The following GALP variants were observed in gnomAD, a reference collection of about 807,000 sequenced individuals.
GALP encodes galanin like peptide.
GALP carries 12 observed loss-of-function variants against 15.2 expected under a neutral mutation model. The observed-to-expected ratio is 0.79, with a 90% CI of 0.51 to 1.28. The LOEUF (loss-of-function observed/expected upper bound fraction) is 1.28, where lower values mean the gene tolerates loss of function less well. Ranked by LOEUF, GALP falls within the 50% of genes most tolerant of loss-of-function variation. The probability of loss-of-function intolerance (pLI) is 0.00; values close to 1 mark genes in which losing one functional copy is unlikely to be tolerated. For synonymous variants in GALP, 58 were observed against 55.1 expected (o/e 1.05, Z -0.23); for missense variants, 161 against 145.6 (o/e 1.11, Z -0.55).
intron 2 of GALP, among the ~76,000 whole-genome samples, chr19:56,177,526 A>AAAG (rs1555785862): frequency 0.085 from 12,396 of 146,370 alleles, 795 homozygotes; most frequent in Non-Finnish European, 0.12. Flanking sequence ...AAAAAAAAAA[A>AAAG]AAGAAGAAAT....
At chr19:56,182,332 T>A in intron 4 of GALP, 80 bp downstream of exon 4, 1 of 1,020,544 alleles carries the variant, frequency 9.8e-7, no homozygotes, top group Non-Finnish European at 1.5e-6. Context: ...CTGGTAGATG[T>A]GAGCTCCAGC....
intron 3 of GALP, among the ~76,000 whole-genome samples, chr19:56,180,921 T>TC: frequency 1.1e-4 from 12 of 105,540 alleles, no homozygotes; most frequent in African/African-American, 4.0e-4. Flanking sequence ...CTTTCTTTTT[T>TC]TTTTTTTTTT....
At chr19:56,183,775 T>C (rs966636101) in intron 5 of GALP, among the ~76,000 whole-genome samples, 3 of 151,824 alleles carry the variant, frequency 2.0e-5, no homozygotes, top group Non-Finnish European at 4.4e-5. Flanking sequence ...TTTTTGTATT[T>C]TTAGTAGAGA....
rs774130975 is a variant in GALP, at chr19:56,177,068, A to T, written c.-39-2A>T. The T allele has an allele frequency of 1.1e-5, 17 of 1,489,002 alleles. No homozygotes were observed. In the South Asian group the frequency reaches 2.0e-4, roughly 17 times the overall value. The allele number at this position is 1,489,002 out of a possible 1,614,324, so 92.2% of individuals were successfully genotyped here. On this transcript the variant is annotated splice_acceptor_variant, in intron 1 of 5. Transcript: ENST00000357330. LOFTEE classifies it low-confidence loss of function (5UTR_SPLICE). ...AAATGACTGGCCGCTCTCTCCTTGC[A>T]GCGTGTTCCGCAGCTGTAGGCACCT...
In GALP at chr19:56,177,052, G is replaced by A. The variant is rs2032475635; in HGVS notation, c.-39-18G>A. ...TGGCCCCCGCTTCGGAAAATGACTG[G>A]CCGCTCTCTCCTTGCAGCGTGTTCC... On this transcript the variant is annotated intron_variant, in intron 1 of 5. Coordinates refer to ENST00000357330, the MANE Select transcript of GALP (RefSeq NM_033106.4). The A allele has an allele frequency of 1.5e-5, 21 of 1,359,928 alleles. 1 individual carries two copies. In the South Asian group the frequency reaches 2.5e-4, roughly 16 times the overall value. The allele number at this position is 1,359,928 out of a possible 1,614,324, so 84.2% of individuals were successfully genotyped here.
In GALP at chr19:56,182,126, T is replaced by C; in HGVS notation, c.137-46T>C. On this transcript the variant is annotated intron_variant, in intron 3 of 5. Transcript: ENST00000357330. ...TTGATGGACGATGTGTTTCTTCAGT[T>C]CTACTTAACCGACCACCTGCTCTTG... 3 of 1,359,334 alleles carry C rather than the reference T, an allele frequency of 2.2e-6. No homozygotes were observed. The South Asian group carries it at 3.5e-5, about 16-fold the overall frequency. 84.2% of individuals were successfully genotyped at this position (1,359,334 alleles called of 1,614,324 possible).
chr19:56,180,945 TCTCG>T (rs2032557473), intron 3 of GALP, among the ~76,000 whole-genome samples: 1 of 129,856 alleles, frequency 7.7e-6, no homozygotes, highest in Non-Finnish European at 1.6e-5. Context: ...TTTGACAGAG[TCTCG>T]CTCTGTTGCC....
Position 56,178,047 on chromosome 19 carries a change from G to GCTAA in GALP, c.87+853_87+856dup, listed in dbSNP as rs557400636. Among the ~76,000 whole-genome samples the GCTAA allele has an allele frequency of 3.6e-4, 55 of 152,070 alleles. 1 individual carries two copies. The East Asian group carries it at 4.4e-3, about 12-fold the overall frequency. ...TGTTAGGTGTTCTCACCACAAAAAA[G>GCTAA]CTAAGCACATGACGTAATGTAGAGG... On this transcript the variant is annotated intron_variant, in intron 2 of 5. Transcript: ENST00000357330.
chr19:56,176,919 G>A (rs895319549), intron 1 of GALP, among the ~76,000 whole-genome samples, 151 bp from the exon 2 acceptor site: 2 of 128,162 alleles, frequency 1.6e-5, no homozygotes, highest in African/African-American at 2.9e-5. Context: ...GCTTGCACAC[G>A]TCCAAACTCC....
intron 3 of GALP, 29 bp downstream of exon 3, chr19:56,180,663 C>A (rs1288421274): frequency 1.9e-6 from 3 of 1,604,090 alleles, no homozygotes; most frequent in African/African-American, 1.3e-5. Flanking sequence ...AGCTCTCCAT[C>A]CCTGGCCCGA....
chr19:56,185,501 C>T lies in GALP; in HGVS notation c.*231C>T, dbSNP rs1321633104. Reference sequence around the variant, plus strand: ...GCTATTAATGGAACCAATAGTAATTCGAGGACTAGTTGGGAGATTCTGGGG... The same window carrying T: ...GCTATTAATGGAACCAATAGTAATTTGAGGACTAGTTGGGAGATTCTGGGG... On this transcript the variant is annotated 3_prime_UTR_variant, in exon 6 of 6. Coordinates refer to ENST00000357330, the MANE Select transcript of GALP (RefSeq NM_033106.4). The T allele has an allele frequency of 1.6e-5, 6 of 386,342 alleles. No individual in the cohort carries two copies. The highest frequency in any genetic ancestry group is 2.1e-5 in the African/African-American group (1 of 47,480). 23.9% of individuals were successfully genotyped at this position (386,342 alleles called of 1,614,324 possible). A position where few individuals can be genotyped will look rare whatever the true frequency, so the allele number is the denominator to read the frequency against.
intron 4 of GALP, 67 bp from the exon 5 acceptor site, chr19:56,183,068 G>C: frequency 9.0e-7 from 1 of 1,114,220 alleles, no homozygotes; most frequent in Non-Finnish European, 1.4e-6. Context: ...GTGTCTGTGT[G>C]TTCTCATCGT....
rs752431508 is a variant in GALP at position 56,177,153 on chromosome 19, G to A, written c.45G>A (p.Leu15=). The A allele has an allele frequency of 1.2e-6, 2 of 1,613,562 alleles. No homozygotes were observed. The highest frequency in any genetic ancestry group is 2.2e-5 in the South Asian group (2 of 91,024). The part of the protein sequence containing the change: ...SVPLVLLLVL[L]LSLAETPASA... The stretch of plus-strand genomic sequence containing the variant: ...CCCTGGTCCTCCTCCTCGTCCTCTT[G>A]CTGAGCCTGGCAGAGACTCCAGCAT... The change falls in exon 2 of 6, where the codon TTG becomes TTA. Residue 15 remains leucine, a synonymous_variant. Coordinates refer to ENST00000357330, the MANE Select transcript of GALP (RefSeq NM_033106.4).
intron 5 of GALP, among the ~76,000 whole-genome samples, chr19:56,184,467 T>C (rs1041027837): frequency 4.0e-5 from 6 of 148,448 alleles, no homozygotes; most frequent in Middle Eastern, 6.9e-3. Flanking sequence ...TTCAATCCTT[T>C]TTTTTCTTTT....
chr19:56,184,673 C>T (rs1352636902), intron 5 of GALP, among the ~76,000 whole-genome samples: 3 of 151,566 alleles, frequency 2.0e-5, no homozygotes, highest in South Asian at 2.1e-4. Flanking sequence ...TTAGTAGAGA[C>T]GGGGTTTCAC....
chr19:56,180,328 T>C (rs962142038), intron 2 of GALP, among the ~76,000 whole-genome samples: 1 of 152,164 alleles, frequency 6.6e-6, no homozygotes, highest in Admixed American at 6.6e-5. Context: ...TGAAGAACAA[T>C]TCCCCATTTC....
At chr19:56,177,692 C>A (rs994684398) in intron 2 of GALP, among the ~76,000 whole-genome samples, 5 of 152,102 alleles carry the variant, frequency 3.3e-5, no homozygotes, top group Non-Finnish European at 7.4e-5. Context: ...TCACACACCT[C>A]CACAGCATGG....
chr19:56,183,269 G>A, intron 5 of GALP, 57 bp downstream of exon 5: 1 of 1,378,568 alleles, frequency 7.3e-7, no homozygotes, highest in East Asian at 2.3e-5. Flanking sequence ...ACAAGGAAGT[G>A]GCAGGCAGAG....
At chr19:56,176,942 C>T (rs2032473553) in intron 1 of GALP, 128 bp from the exon 2 acceptor site, 3 of 598,556 alleles carry the variant, frequency 5.0e-6, no homozygotes, top group Non-Finnish European at 8.9e-6. Context: ...AAGATGTGTA[C>T]ATTAAATGTG....
Sources: gnomAD v4.1 joint callset for allele counts (sites outside exome capture counted in the v4.1 genomes callset) on GRCh38, gnomAD v4.1.1 for gene constraint, MANE v1.5 for transcripts, NCBI Gene and HGNC (gene_info 2026-07-23, HGNC 2026-07-21) for gene names.